Variants in L3MBTL3 observed in about 807,000 individuals in gnomAD.
The protein encoded by L3MBTL3 is lethal(3)malignant brain tumor-like protein 3.
Under a neutral mutation model 102.3 loss-of-function variants are expected in L3MBTL3, and 27 were observed. The ratio of observed to expected loss-of-function variants is 0.26; its 90% CI spans 0.19 to 0.36. The LOEUF (loss-of-function observed/expected upper bound fraction) is 0.36. Among genes scored for constraint, L3MBTL3 ranks in the 10% least tolerant of loss-of-function variants. The probability of loss-of-function intolerance (pLI) is 1.00; values close to 1 mark genes in which losing one functional copy is unlikely to be tolerated. For synonymous variants in L3MBTL3, 340 were observed against 320.9 expected, an observed-to-expected ratio of 1.06 and a Z score of -0.64; for missense variants, 798 against 955.3, an observed-to-expected ratio of 0.84 and a Z score of 2.17.
chr6:130,058,100 G>A (rs1012735267), intron 9 of L3MBTL3, among the ~76,000 whole-genome samples: 2 of 133,576 alleles, frequency 1.5e-5, no homozygotes, highest in Non-Finnish European at 1.5e-5. Flanking sequence ...CCGAGATTGC[G>A]CCATTGCAGT....
At chr6:130,021,937 G>A (rs1330918691) in intron 1 of L3MBTL3, among the ~76,000 whole-genome samples, 1 of 152,114 alleles carries the variant, frequency 6.6e-6, no homozygotes, top group East Asian at 1.9e-4. Context: ...AGCAGTGAGG[G>A]AAATTAAAGT....
At chr6:130,044,914 T>C (rs966978106) in intron 3 of L3MBTL3, among the ~76,000 whole-genome samples, 8 of 152,196 alleles carry the variant, frequency 5.3e-5, no homozygotes, top group African/African-American at 1.7e-4. Context: ...TCTTTGCCTA[T>C]TTTATCCTAC....
chr6:130,082,055 G>C (rs1277434201), intron 14 of L3MBTL3, among the ~76,000 whole-genome samples: 1 of 152,142 alleles, frequency 6.6e-6, no homozygotes, highest in Non-Finnish European at 1.5e-5. Flanking sequence ...CATAGACATA[G>C]TGCTGTGTTC....
chr6:130,026,551 G>A (rs563602577), intron 2 of L3MBTL3, among the ~76,000 whole-genome samples: 1 of 151,908 alleles, frequency 6.6e-6, no homozygotes, highest in Non-Finnish European at 1.5e-5. Flanking sequence ...AAGAAAAATA[G>A]ATGGGAAGAA....
At chr6:130,081,289 C>G (rs1167427287) in intron 14 of L3MBTL3, among the ~76,000 whole-genome samples, 1 of 152,204 alleles carries the variant, frequency 6.6e-6, no homozygotes, top group Non-Finnish European at 1.5e-5. Context: ...CAAAGTCACA[C>G]ACATGCATGC....
At chr6:130,076,705 A>G (rs1402743720) in intron 13 of L3MBTL3, among the ~76,000 whole-genome samples, 2 of 152,152 alleles carry the variant, frequency 1.3e-5, no homozygotes, top group Non-Finnish European at 1.5e-5. Context: ...TTACGTTTCT[A>G]CTTTTGAACA....
intron 19 of L3MBTL3, among the ~76,000 whole-genome samples, chr6:130,114,065 C>G (rs889034510): frequency 1.4e-4 from 21 of 152,112 alleles, no homozygotes; most frequent in African/African-American, 4.8e-4. Context: ...ATTGTAAAAC[C>G]TCTTCTCCCT....
chr6:130,030,666 A>T (rs1039796129), intron 2 of L3MBTL3, among the ~76,000 whole-genome samples: 2 of 80,864 alleles, frequency 2.5e-5, no homozygotes, highest in East Asian at 3.2e-4. Context: ...GACTCTACCT[A>T]AAAAAAAAAA....
intron 19 of L3MBTL3, among the ~76,000 whole-genome samples, chr6:130,117,493 A>G (rs1785795596): frequency 6.6e-6 from 1 of 152,146 alleles, no homozygotes; most frequent in South Asian, 2.1e-4. Context: ...GAGTTTTGGC[A>G]TTCTGATATA....
chr6:130,081,484 T>C (rs1260783799), intron 14 of L3MBTL3, among the ~76,000 whole-genome samples: 1 of 151,646 alleles, frequency 6.6e-6, no homozygotes, highest in Non-Finnish European at 1.5e-5. Flanking sequence ...AGTGGTACAA[T>C]CTTGGCTCAC....
intron 19 of L3MBTL3, among the ~76,000 whole-genome samples, chr6:130,111,254 G>T (rs916637544): frequency 1.3e-5 from 2 of 152,176 alleles, no homozygotes; most frequent in African/African-American, 4.8e-5. Context: ...CAGACCTGCT[G>T]GGAAAACTCT....
At chr6:130,099,187 T>C (rs1210239201) in intron 18 of L3MBTL3, among the ~76,000 whole-genome samples, 1 of 152,088 alleles carries the variant, frequency 6.6e-6, no homozygotes, top group Non-Finnish European at 1.5e-5. Context: ...ATGCTAATAG[T>C]GTAGGATGCA....
At chr6:130,033,599 T>C (rs1453650798) in intron 2 of L3MBTL3, among the ~76,000 whole-genome samples, 1 of 152,232 alleles carries the variant, frequency 6.6e-6, no homozygotes, top group Non-Finnish European at 1.5e-5. Context: ...CTGGCAAGTT[T>C]AGTTCCTTGA....
chr6:130,075,423 A>G (rs1374629763), intron 13 of L3MBTL3, among the ~76,000 whole-genome samples: 5 of 152,134 alleles, frequency 3.3e-5, no homozygotes, highest in African/African-American at 1.2e-4. Flanking sequence ...GCCCAGGGGT[A>G]GGATGTGTTT....
intron 20 of L3MBTL3, among the ~76,000 whole-genome samples, chr6:130,128,153 G>T (rs148700778): frequency 0.017 from 2,589 of 152,190 alleles, 33 homozygotes; most frequent in Non-Finnish European, 0.028. Flanking sequence ...ATTTCTGACT[G>T]TTATAAATGT....
intron 3 of L3MBTL3, 39 bp downstream of exon 3, chr6:130,042,840 A>C (rs1780508964): frequency 1.6e-6 from 2 of 1,257,346 alleles, no homozygotes; most frequent in Middle Eastern, 1.9e-4. Context: ...GTGTGTGTGC[A>C]TCTGTGCGTA....
chr6:130,074,844 G>A (rs1041918550), intron 13 of L3MBTL3, among the ~76,000 whole-genome samples: 1 of 152,150 alleles, frequency 6.6e-6, no homozygotes, highest in Non-Finnish European at 1.5e-5. Context: ...AAAAAGATCT[G>A]TGAAAAAGAA....
intron 2 of L3MBTL3, among the ~76,000 whole-genome samples, chr6:130,039,269 T>G (rs1430686972): frequency 2.0e-5 from 3 of 152,116 alleles, no homozygotes; most frequent in Non-Finnish European, 4.4e-5. Flanking sequence ...CTGTAAAATA[T>G]AAGGAACAAC....
chr6:130,123,592 A>G (rs780419860), intron 20 of L3MBTL3, among the ~76,000 whole-genome samples: 8 of 152,204 alleles, frequency 5.3e-5, no homozygotes, highest in Non-Finnish European at 1.0e-4. Context: ...AAACATTTTG[A>G]ATAAGATTGT....
Sources: allele counts gnomAD v4.1 joint callset (sites outside exome capture counted in the v4.1 genomes callset), GRCh38; gene constraint gnomAD v4.1.1; transcripts MANE v1.5; gene names NCBI Gene and HGNC (gene_info 2026-07-23, HGNC 2026-07-21).